The following TRIP12 variants were observed in gnomAD, a reference collection of about 807,000 sequenced individuals.
The protein encoded by TRIP12 is thyroid hormone receptor interactor 12.
A neutral mutation model predicts 244.2 loss-of-function variants in TRIP12; 25 were observed. That is an observed-to-expected ratio of 0.10 (90% CI 0.07 to 0.14). The LOEUF is 0.14. Among genes scored for constraint, TRIP12 ranks in the 10% least tolerant of loss-of-function variants. TRIP12 has a pLI of 1.00. For synonymous variants in TRIP12, 905 were observed against 873.1 expected (o/e 1.04, Z -0.64); for missense variants, 1,677 against 2,486.4 (o/e 0.67, Z 6.92).
intron 1 of TRIP12, among the ~76,000 whole-genome samples, chr2:229,889,090 A>ATTTATTAG (rs2066715412): frequency 6.6e-6 from 1 of 152,254 alleles, no homozygotes; most frequent in Non-Finnish European, 1.5e-5. Flanking sequence ...AGGACAGTCT[A>ATTTATTAG]CTAACAGGAT....
chr2:229,909,040 A>G (rs1404226919), intron 1 of TRIP12, among the ~76,000 whole-genome samples: 4 of 147,976 alleles, frequency 2.7e-5, no homozygotes, highest in Non-Finnish European at 5.9e-5. Flanking sequence ...CACTGAGCTG[A>G]GATCACGCCA....
At chr2:229,781,182 G>A (rs2038036773) in intron 34 of TRIP12, among the ~76,000 whole-genome samples, 1 of 152,184 alleles carries the variant, frequency 6.6e-6, no homozygotes, top group African/African-American at 2.4e-5. Context: ...CCCCCACAGA[G>A]TAACCTGATC....
At chr2:229,783,992 C>G (rs1220548493) in intron 34 of TRIP12, among the ~76,000 whole-genome samples, 1 of 151,642 alleles carries the variant, frequency 6.6e-6, no homozygotes, top group Non-Finnish European at 1.5e-5. Flanking sequence ...TGCCTGTAAT[C>G]CCAGCTACTC....
intron 37 of TRIP12, among the ~76,000 whole-genome samples, chr2:229,775,821 C>T (rs775887042): frequency 6.6e-6 from 1 of 151,704 alleles, no homozygotes; most frequent in Non-Finnish European, 1.5e-5. Context: ...TGTGGTTTTT[C>T]AGAATGTCAC....
In TRIP12 at chr2:229,769,319, G is replaced by C. The variant is rs747307082; in HGVS notation, c.5815C>G (p.Gln1939Glu). 1.2e-6 allele frequency: 2 copies of C among 1,613,794 alleles called. No individual in the cohort carries two copies. The highest frequency in any genetic ancestry group is 1.7e-5 in the Admixed American group (1 of 59,968). The change falls in exon 40 of 42, where the codon CAG becomes GAG. Residue 1939 changes from glutamine (Q) to glutamate (E), a missense_variant. Physicochemically the swap from Gln to Glu is conservative, Grantham distance 29 (BLOSUM62 2). This residue lies in a region of TRIP12 where 171 missense variants were observed against 388.4 expected (regional missense o/e 0.44). Coordinates refer to ENST00000675903, the MANE Select transcript of TRIP12 (RefSeq NM_001348323.3). ...TCTGCTTTACTGCCACAAAGGAGCT[G>C]ATCCAGCTGTGAGTTTAAATAAGGG... ...LQYFYPEELDQLLCGSKADTW... is the reference protein window; with the variant it reads ...LQYFYPEELDELLCGSKADTW...
intron 8 of TRIP12, among the ~76,000 whole-genome samples, chr2:229,827,481 T>A (rs562948): frequency 0.19 from 29,206 of 151,832 alleles, 2,995 homozygotes; most frequent in East Asian, 0.28. Context: ...TATTATTATT[T>A]TTTTGGTTAT....
intron 4 of TRIP12, among the ~76,000 whole-genome samples, chr2:229,856,566 C>T (rs760933357): frequency 5.3e-5 from 8 of 152,144 alleles, no homozygotes; most frequent in African/African-American, 7.2e-5. Context: ...GCCCTAGAAC[C>T]CTCCTACACA....
chr2:229,785,256 C>T (rs1470171101), intron 34 of TRIP12, among the ~76,000 whole-genome samples: 4 of 152,132 alleles, frequency 2.6e-5, no homozygotes, highest in African/African-American at 9.7e-5. Context: ...GGACAGAAAA[C>T]ACATCAATGT....
intron 5 of TRIP12, among the ~76,000 whole-genome samples, chr2:229,837,614 G>A (rs181441801): frequency 1.7e-3 from 264 of 152,132 alleles, no homozygotes; most frequent in African/African-American, 6.0e-3. Context: ...ATCTTGGGCG[G>A]CAGCAACAAC....
chr2:229,782,252 G>A (rs768988124), intron 34 of TRIP12, among the ~76,000 whole-genome samples: 1 of 151,956 alleles, frequency 6.6e-6, no homozygotes, highest in Non-Finnish European at 1.5e-5. Flanking sequence ...TCTTATGCCA[G>A]CAGTCCAGGG....
At position 229,790,897 on chromosome 2, in the gene TRIP12, GT is replaced by G. The variant is rs11354166; in HGVS notation, c.4543+226del. Among the ~76,000 whole-genome samples the G allele has an allele frequency of 0.81, 123,730 of 152,142 alleles. 50,548 individuals carry two copies. The highest frequency in any genetic ancestry group is 0.89 in the African/African-American group (36,836 of 41,510). On this transcript the variant is annotated intron_variant, in intron 30 of 41. Transcript: ENST00000675903. ...GAACTCTTATATGAACTGGGAATAA[GT>G]TTTTTTCCCAATTTTCCTTCCCAAT...
chr2:229,842,527 G>A (rs530839477), intron 4 of TRIP12, among the ~76,000 whole-genome samples: 14 of 152,020 alleles, frequency 9.2e-5, no homozygotes, highest in African/African-American at 2.9e-4. Context: ...GTAGACTTAC[G>A]AATGTACAGT....
At chr2:229,876,730 CAT>C (rs1419613472) in intron 2 of TRIP12, among the ~76,000 whole-genome samples, 1 of 152,216 alleles carries the variant, frequency 6.6e-6, no homozygotes, top group Non-Finnish European at 1.5e-5. Context: ...CGTGCCCAGT[CAT>C]AGTTCACTGA....
At chr2:229,922,015 G>T (rs1030761282), upstream of TRIP12, 8 of 145,946 alleles carry the variant, frequency 5.5e-5, no homozygotes, top group African/African-American at 2.1e-4. Flanking sequence ...GCAGCACCGC[G>T]CCCGGCGTGC....
chr2:229,850,073 A>G (rs1225555055), intron 4 of TRIP12, among the ~76,000 whole-genome samples: 3 of 152,244 alleles, frequency 2.0e-5, no homozygotes, highest in African/African-American at 7.2e-5. Flanking sequence ...ACCATTCCAG[A>G]ATACACGTAA....
At chr2:229,860,018 A>G (rs1340905491) in intron 3 of TRIP12, among the ~76,000 whole-genome samples, 1 of 152,228 alleles carries the variant, frequency 6.6e-6, no homozygotes, top group African/African-American at 2.4e-5. Context: ...TCAAATCTTC[A>G]AAGTTAACAT....
chr2:229,835,480 G>A (rs1478284733), intron 6 of TRIP12, among the ~76,000 whole-genome samples: 2 of 152,152 alleles, frequency 1.3e-5, no homozygotes, highest in Non-Finnish European at 2.9e-5. Context: ...CAACAATGCT[G>A]TTACAAATAT....
At chr2:229,909,256 C>T (rs1375320739) in intron 1 of TRIP12, among the ~76,000 whole-genome samples, 2 of 151,924 alleles carry the variant, frequency 1.3e-5, no homozygotes, top group African/African-American at 4.8e-5. Context: ...TTATTATACC[C>T]TGATAAGGGC....
chr2:229,901,387 A>C (rs955413140), intron 1 of TRIP12, among the ~76,000 whole-genome samples: 3 of 151,476 alleles, frequency 2.0e-5, no homozygotes, highest in African/African-American at 7.3e-5. Flanking sequence ...TTGGGAGGCT[A>C]AGGTGGGTGG....
Sources: gnomAD v4.1 joint callset for allele counts (sites outside exome capture counted in the v4.1 genomes callset) on GRCh38, gnomAD v4.1.1 for gene constraint, gnomAD v4.1.1 regional missense constraint, MANE v1.5 for transcripts, NCBI Gene and HGNC (gene_info 2026-07-23, HGNC 2026-07-21) for gene names.